The following CARMIL2 variants were observed in gnomAD, a reference collection of about 807,000 sequenced individuals.
The protein encoded by CARMIL2 is capping protein regulator and myosin 1 linker 2.
A neutral mutation model predicts 173.3 loss-of-function variants in CARMIL2; 96 were observed. The observed-to-expected ratio is 0.55, with a 90% CI of 0.47 to 0.66. The LOEUF is 0.66. CARMIL2 is among the 30% of genes least tolerant of loss of function. The probability of loss-of-function intolerance (pLI) is 0.00; values close to 1 mark genes in which losing one functional copy is unlikely to be tolerated. For synonymous variants in CARMIL2, 830 were observed against 817.1 expected (o/e 1.02, Z -0.27); for missense variants, 1,771 against 1,906.7 (o/e 0.93, Z 1.33).
Position 67,656,055 on chromosome 16 carries a change from G to A in CARMIL2, c.3730G>A (p.Ala1244Thr). Residue 1244 changes from alanine (A) to threonine (T), a missense_variant, in exon 33 of 38, where the codon GCT (alanine) becomes ACT (threonine). Around this residue, in one of 3 missense-constraint regions of CARMIL2, gnomAD observed 817 missense variants for 903.5 expected, o/e 0.90. Coordinates refer to ENST00000334583, the MANE Select transcript of CARMIL2 (RefSeq NM_001013838.3). ...KQSKDGEIKK[A>T]GSDGDIMDSS... ...GAGCAAAGATGGCGAGATCAAGAAA[G>A]CTGGCTCAGATGGTAAGTGGGACCC... 6.2e-7 allele frequency: 1 copy of A among 1,603,122 alleles called. No individual in the cohort carries two copies. Among genetic ancestry groups the A allele is most frequent in the Non-Finnish European group, 8.5e-7 (1 of 1,174,800 alleles).
rs2052796360 is a variant in CARMIL2, at chr16:67,654,492, C to CG, written c.3383dup (p.Thr1130AsnfsTer17). On this transcript the variant is annotated frameshift_variant, in exon 31 of 38. Transcript: ENST00000334583. LOFTEE classifies it high-confidence loss of function. ...CAGCCCTGGGGCAGCTCCCCGAACC[C>CG]GAAAAACTACATTTGGCGACCTACT... 1 of 1,612,642 alleles carries CG rather than the reference C, an allele frequency of 6.2e-7. No homozygotes were observed. Among genetic ancestry groups the CG allele is most frequent in the Admixed American group, 1.7e-5 (1 of 59,866 alleles).
Position 67,652,941 on chromosome 16 carries a change from GT to G in CARMIL2, c.2885-77del, listed in dbSNP as rs1469687846. On this transcript the variant is annotated intron_variant, in intron 28 of 37. Transcript: ENST00000334583. This position sits in a 1 kb window ranked among gnomAD's most constrained non-coding sequence, Gnocchi z 4.7. ...GGGCCCCTCCCCGCGCCCTGGGCGG[GT>G]CCCCCGCCGCCCTAGCGCCTCCGCC... 9.5e-6 allele frequency: 6 copies of G among 633,190 alleles called. No homozygotes were observed. Among genetic ancestry groups the G allele is most frequent in the Non-Finnish European group, 1.3e-5 (6 of 465,024 alleles). The allele number at this position is 633,190 out of a possible 1,614,324, so 39.2% of individuals were successfully genotyped here.
intron 32 of CARMIL2, 101 bp downstream of exon 32, chr16:67,655,001 T>TC: frequency 6.9e-7 from 1 of 1,440,614 alleles, no homozygotes; most frequent in Non-Finnish European, 9.5e-7. Flanking sequence ...ATAGGTCTAA[T>TC]TGTCAGTTCT....
At position 67,650,263 on chromosome 16, in the gene CARMIL2, T is replaced by G; in HGVS notation, c.2184+113T>G. ...TCCTGGGGCCAGGGTGCCTGAGCCC[T>G]GCTGTCCCACACAAAGTCCCTCTCC... On this transcript the variant is annotated intron_variant, in intron 22 of 37. Coordinates refer to ENST00000334583, the MANE Select transcript of CARMIL2 (RefSeq NM_001013838.3). 8 of 830,736 alleles carry G rather than the reference T, an allele frequency of 9.6e-6. No homozygotes were observed. In the South Asian group the frequency reaches 1.3e-4, roughly 13 times the overall value. 51.5% of individuals were successfully genotyped at this position (830,736 alleles called of 1,614,324 possible).
rs2052872546 is a variant in CARMIL2 at position 67,656,894 on chromosome 16, A to G, written c.4117+13A>G. 5.9e-6 allele frequency: 9 copies of G among 1,534,990 alleles called. No individual in the cohort carries two copies. Among genetic ancestry groups the G allele is most frequent in the Non-Finnish European group, 7.9e-6 (9 of 1,135,432 alleles). On this transcript the variant is annotated intron_variant, in intron 36 of 37. Transcript: ENST00000334583. ...CAGGCCCCTGCTGGTGAGGGGAGAC[A>G]CCTCCACGTGTGCTTGAATGCAGGA...
chr16:67,655,408 C>T (rs980783633), intron 32 of CARMIL2, among the ~76,000 whole-genome samples: 6 of 152,128 alleles, frequency 3.9e-5, no homozygotes, highest in Admixed American at 1.3e-4. Context: ...CTAGCCTGGA[C>T]AACAAGAGTG....
Position 67,648,617 on chromosome 16 carries a change from C to A in CARMIL2, c.1440-68C>A, listed in dbSNP as rs2052648387. 2.0e-6 allele frequency: 3 copies of A among 1,514,876 alleles called. No individual in the cohort carries two copies. Among genetic ancestry groups the A allele is most frequent in the Admixed American group, 3.9e-5 (2 of 51,538 alleles). 93.8% of individuals were successfully genotyped at this position (1,514,876 alleles called of 1,614,324 possible). On this transcript the variant is annotated intron_variant, in intron 15 of 37. Transcript: ENST00000334583. This position sits in a 1 kb window ranked among gnomAD's most constrained non-coding sequence, Gnocchi z 6.1. ...CAACCTCCCCCAGATCCTGGCCCTG[C>A]CTCCTTCGTTCGCACCCTGGAGCCC...
In CARMIL2 at chr16:67,651,674, C is replaced by A; in HGVS notation, c.2428-11C>A. ...CACATCCTCACCATGCTCTGACTGACCTTTGTCTAGGACTTCACTCAGGCC... is the reference window on the plus strand; with the variant it reads ...CACATCCTCACCATGCTCTGACTGAACTTTGTCTAGGACTTCACTCAGGCC... On this transcript the variant is annotated splice_polypyrimidine_tract_variant and intron_variant, in intron 24 of 37. Coordinates refer to ENST00000334583, the MANE Select transcript of CARMIL2 (RefSeq NM_001013838.3). The surrounding 1 kb of genome is among the most constrained non-coding windows in gnomAD (Gnocchi z 4.2). 1 of 1,604,522 alleles carries A rather than the reference C, an allele frequency of 6.2e-7. No homozygotes were observed. Among genetic ancestry groups the A allele is most frequent in the East Asian group, 2.2e-5 (1 of 44,562 alleles).
chr16:67,648,390 TCCC>T lies in CARMIL2; in HGVS notation c.1335-5_1335-3del. The T allele has an allele frequency of 6.5e-7, 1 of 1,534,250 alleles. No individual in the cohort carries two copies. The highest frequency in any genetic ancestry group is 8.7e-7 in the Non-Finnish European group (1 of 1,146,762). On this transcript the variant is annotated splice_region_variant and splice_polypyrimidine_tract_variant and intron_variant, in intron 14 of 37. Coordinates refer to ENST00000334583, the MANE Select transcript of CARMIL2 (RefSeq NM_001013838.3). The surrounding 1 kb of genome is among the most constrained non-coding windows in gnomAD (Gnocchi z 6.1). ...GCGGCCCCAGGCCCACCTTCCCACT[TCCC>T]CCAGGAAGTCCCGCGCCGCGCCGGC...
At chr16:67,656,684 C>CGGGGCT in intron 35 of CARMIL2, 39 bp downstream of exon 35, 1 of 1,574,086 alleles carries the variant, frequency 6.4e-7, no homozygotes, top group African/African-American at 1.4e-5. Flanking sequence ...ATCCTGGCCT[C>CGGGGCT]GGGGCTGGAG....
chr16:67,657,535 C>T lies in CARMIL2; in HGVS notation c.*17C>T, dbSNP rs187527679. 81 of 1,613,604 alleles carry T rather than the reference C, an allele frequency of 5.0e-5. No homozygotes were observed. The highest frequency in any genetic ancestry group is 3.1e-4 in the African/African-American group (23 of 75,030). ...AATCCCTGATCCTCTCCTCTCCTGC[C>T]GCATGAGATTATTTTATTAAAAAAC... On this transcript the variant is annotated 3_prime_UTR_variant, in exon 38 of 38. Transcript: ENST00000334583. This position sits in a 1 kb window ranked among gnomAD's most constrained non-coding sequence, Gnocchi z 4.5.
chr16:67,654,081 G>T (rs111443398), intron 29 of CARMIL2, 68 bp from the exon 30 acceptor site: 1 of 77,084 alleles, frequency 1.3e-5, no homozygotes, highest in Non-Finnish European at 2.3e-5. Flanking sequence ...GCTGCCGGCC[G>T]GGGGGGGGGG....
chr16:67,654,347 G>A lies in CARMIL2; in HGVS notation c.3237G>A (p.Glu1079=). ...IQQDRLWAPE[E]DPATEGGATP... is the part of the protein sequence containing the mutation. ...GTCCCCACAGCTGGGCCCCCGAGGA[G>A]GACCCGGCCACTGAGGGGGGCGCCA... The change falls in exon 31 of 38, where the codon GAG becomes GAA. Residue 1079 remains glutamate, a synonymous_variant. Transcript: ENST00000334583. 6.3e-7 allele frequency: 1 copy of A among 1,597,576 alleles called. No homozygotes were observed. The highest frequency in any genetic ancestry group is 2.3e-5 in the East Asian group (1 of 44,220).
chr16:67,648,042 C>T lies in CARMIL2; in HGVS notation c.1072-10C>T. On this transcript the variant is annotated splice_polypyrimidine_tract_variant and intron_variant, in intron 13 of 37. Coordinates refer to ENST00000334583, the MANE Select transcript of CARMIL2 (RefSeq NM_001013838.3). This position sits in a 1 kb window ranked among gnomAD's most constrained non-coding sequence, Gnocchi z 6.1. Reference sequence around the variant, plus strand: ...TCCCCCACTCCATCGCACCCCTGTCCTCCCTCCAGGGCCTCTATAGCTTCC... The same window carrying T: ...TCCCCCACTCCATCGCACCCCTGTCTTCCCTCCAGGGCCTCTATAGCTTCC... The T allele has an allele frequency of 1.9e-6, 3 of 1,611,042 alleles. No individual in the cohort carries two copies. The highest frequency in any genetic ancestry group is 1.1e-5 in the South Asian group (1 of 90,328).
In CARMIL2 at chr16:67,651,565, C is replaced by T. The variant is rs2052723582; in HGVS notation, c.2427+51C>T. 1 of 1,562,918 alleles carries T rather than the reference C, an allele frequency of 6.4e-7. No individual in the cohort carries two copies. The highest frequency in any genetic ancestry group is 1.2e-5 in the South Asian group (1 of 85,108). ...CCACCTCCGTTTGCAGGTTTGACTC[C>T]CATCCTTTAGTTTTAACTGTGATAT... On this transcript the variant is annotated intron_variant, in intron 24 of 37. Transcript: ENST00000334583. The surrounding 1 kb of genome is among the most constrained non-coding windows in gnomAD (Gnocchi z 4.2).
rs763938386 is a variant in CARMIL2, at chr16:67,646,149, T to G, written c.250-37T>G. ...ATGCTACCACCATCACCTGCGCCCA[T>G]GTGTGGAGCCGAGGCCTAGTAGTGC... On this transcript the variant is annotated intron_variant, in intron 4 of 37. Transcript: ENST00000334583. The surrounding 1 kb of genome is among the most constrained non-coding windows in gnomAD (Gnocchi z 4.6). 6.2e-7 allele frequency: 1 copy of G among 1,613,684 alleles called. No homozygotes were observed. The highest frequency in any genetic ancestry group is 8.5e-7 in the Non-Finnish European group (1 of 1,179,786).
Position 67,651,095 on chromosome 16 carries a change from C to A in CARMIL2, c.2185-92C>A. The A allele has an allele frequency of 1.4e-6, 2 of 1,471,820 alleles. No homozygotes were observed. The highest frequency in any genetic ancestry group is 1.3e-5 in the South Asian group (1 of 78,742). 91.2% of individuals were successfully genotyped at this position (1,471,820 alleles called of 1,614,324 possible). ...TGGTCTAAGGGTGTCAGCTTCAGGA[C>A]CTCCCTCTGTTAAAGAGCCTGGGAG... On this transcript the variant is annotated intron_variant, in intron 22 of 37. Transcript: ENST00000334583. The surrounding 1 kb of genome is among the most constrained non-coding windows in gnomAD (Gnocchi z 4.2).
Position 67,655,932 on chromosome 16 carries a change from G to T in CARMIL2, c.3706-99G>T, listed in dbSNP as rs2052839628. 6.4e-6 allele frequency: 9 copies of T among 1,411,986 alleles called. 1 individual carries two copies. In the South Asian group the frequency reaches 1.2e-4, roughly 19 times the overall value. 87.5% of individuals were successfully genotyped at this position (1,411,986 alleles called of 1,614,324 possible). On this transcript the variant is annotated intron_variant, in intron 32 of 37. Transcript: ENST00000334583. Reference sequence around the variant, plus strand: ...TTGCCATGTTCTTGTCCAGCCCATGGTGGGCATTCAGTGGCAGGATTATAA... The same window carrying T: ...TTGCCATGTTCTTGTCCAGCCCATGTTGGGCATTCAGTGGCAGGATTATAA...
intron 1 of CARMIL2, 127 bp downstream of exon 1, chr16:67,645,413 C>T: frequency 1.5e-6 from 2 of 1,365,470 alleles, no homozygotes; most frequent in Non-Finnish European, 2.0e-6. Context: ...GGCAGGCGCC[C>T]CAGATCCTCT....
Sources: allele counts gnomAD v4.1 joint callset (sites outside exome capture counted in the v4.1 genomes callset), GRCh38; gene constraint gnomAD v4.1.1; regional missense constraint gnomAD v4.1.1; non-coding constraint Gnocchi (gnomAD v3.1); transcripts MANE v1.5; gene names NCBI Gene and HGNC (gene_info 2026-07-23, HGNC 2026-07-21).